The following PARP12 variants were observed in gnomAD, a reference collection of about 807,000 sequenced individuals.
The protein encoded by PARP12 is protein mono-ADP-ribosyltransferase PARP12.
A neutral mutation model predicts 72.4 loss-of-function variants in PARP12; 59 were observed. The observed-to-expected ratio is 0.81, with a 90% CI of 0.66 to 1.01. The LOEUF (loss-of-function observed/expected upper bound fraction) is 1.01. PARP12 is among the 50% of genes least tolerant of loss of function. The probability of loss-of-function intolerance (pLI) is 0.00; values close to 1 mark genes in which losing one functional copy is unlikely to be tolerated. For synonymous variants in PARP12, 403 were observed against 371.4 expected, an observed-to-expected ratio of 1.09 and a Z score of -0.98; for missense variants, 851 against 914.0, an observed-to-expected ratio of 0.93 and a Z score of 0.89.
At chr7:140,061,205 G>A (rs1056586716) in intron 1 of PARP12, among the ~76,000 whole-genome samples, 5 of 152,156 alleles carry the variant, frequency 3.3e-5, no homozygotes, top group Non-Finnish European at 7.4e-5. Context: ...TGGTCAATGG[G>A]ATGTGGGTGA....
At chr7:140,054,857 G>A (rs549595666) in intron 3 of PARP12, 94 bp from the exon 4 acceptor site, 43 of 1,053,204 alleles carry the variant, frequency 4.1e-5, no homozygotes, top group African/African-American at 3.1e-4. Flanking sequence ...ACAAAAGTGG[G>A]CAACGCAAGC....
chr7:140,028,486 G>T, intron 9 of PARP12, 127 bp downstream of exon 9: 1 of 761,948 alleles, frequency 1.3e-6, no homozygotes, highest in Admixed American at 3.8e-5. Context: ...ATCTGTCACT[G>T]CCCTCCTGCC....
intron 4 of PARP12, among the ~76,000 whole-genome samples, chr7:140,052,740 G>A (rs1817014989): frequency 6.8e-6 from 1 of 146,648 alleles, no homozygotes; most frequent in African/African-American, 2.5e-5. Flanking sequence ...TTTTGTGTGT[G>A]TGTGTGTGTG....
intron 1 of PARP12, 39 bp downstream of exon 1, chr7:140,062,483 G>T: frequency 6.6e-7 from 1 of 1,505,614 alleles, no homozygotes; most frequent in East Asian, 2.6e-5. Context: ...AGGGCGCGCA[G>T]GACCTCCGCC....
At chr7:140,033,371 CATT>C (rs1357508866) in intron 8 of PARP12, 3 of 985,240 alleles carry the variant, frequency 3.0e-6, no homozygotes, top group Non-Finnish European at 3.6e-6. Context: ...CCAAAAGAGA[CATT>C]GTTGGTTCTC....
chr7:140,062,674 T>C lies in PARP12; in HGVS notation c.174A>G (p.Ala58=). ...RFVVAVRAGG[A]AAAPERVVLA... is the part of the protein sequence containing the mutation. ...GCACCACGCGCTCCGGGGCCGCGGC[T>C]GCGCCGCCCGCCCGCACCGCCACCA... Residue 58 remains alanine (A), a synonymous_variant, in exon 1 of 12, where the codon GCA becomes GCG. Coordinates refer to ENST00000263549, the MANE Select transcript of PARP12 (RefSeq NM_022750.4). 7.9e-7 allele frequency: 1 copy of C among 1,267,950 alleles called. No individual in the cohort carries two copies. The allele number at this position is 1,267,950 out of a possible 1,614,324, so 78.5% of individuals were successfully genotyped here.
rs150942859 is a variant in PARP12 at position 140,062,915 on chromosome 7, G to C, written c.-68C>G. 0.015 allele frequency: 17,473 copies of C among 1,194,756 alleles called. 755 individuals are homozygous for C. In the African/African-American group the frequency reaches 0.15, roughly 10 times the overall value. 74.0% of individuals were successfully genotyped at this position (1,194,756 alleles called of 1,614,324 possible). On this transcript the variant is annotated 5_prime_UTR_variant, in exon 1 of 12. Transcript: ENST00000263549. ...CGGACGGCGGCGGACGCTGGCTGGC[G>C]GGCGGCTCTCGCAGGGTGGAGACGC...
At chr7:140,048,709 T>A (rs1304439813) in intron 4 of PARP12, among the ~76,000 whole-genome samples, 4 of 152,234 alleles carry the variant, frequency 2.6e-5, no homozygotes, top group Non-Finnish European at 5.9e-5. Flanking sequence ...TTCTGTCATT[T>A]TGGCATGTTT....
At chr7:140,030,556 C>T (rs534666577) in intron 8 of PARP12, among the ~76,000 whole-genome samples, 10 of 152,372 alleles carry the variant, frequency 6.6e-5, no homozygotes, top group African/African-American at 2.4e-4. Flanking sequence ...CAAGATCATG[C>T]CACTGCACTC....
chr7:140,024,428 G>T lies in PARP12; in HGVS notation c.*132C>A. On this transcript the variant is annotated 3_prime_UTR_variant, in exon 12 of 12. Coordinates refer to ENST00000263549, the MANE Select transcript of PARP12 (RefSeq NM_022750.4). ...AAAATCATTATTAGCAAGAGATTAA[G>T]AACATAACTTCATTGAGAGGTCAAT... 2.0e-6 allele frequency: 2 copies of T among 1,016,666 alleles called. No individual in the cohort carries two copies. The highest frequency in any genetic ancestry group is 1.5e-6 in the Non-Finnish European group (1 of 668,310). 63.0% of individuals were successfully genotyped at this position (1,016,666 alleles called of 1,614,324 possible). A position where few individuals can be genotyped will look rare whatever the true frequency, so the allele number is the denominator to read the frequency against.
At chr7:140,033,186 C>T (rs761206547) in intron 8 of PARP12, 6 of 985,078 alleles carry the variant, frequency 6.1e-6, no homozygotes, top group Admixed American at 6.2e-5. Context: ...AGTCACTGCA[C>T]CCAGCGCAAA....
chr7:140,053,154 G>A (rs1285663498), intron 4 of PARP12, among the ~76,000 whole-genome samples: 1 of 152,134 alleles, frequency 6.6e-6, no homozygotes, highest in African/African-American at 2.4e-5. Context: ...AATATTTATA[G>A]AAGTTGTATT....
chr7:140,043,392 G>A (rs1816577613), intron 5 of PARP12, among the ~76,000 whole-genome samples: 1 of 152,228 alleles, frequency 6.6e-6, no homozygotes, highest in Admixed American at 6.5e-5. Flanking sequence ...TCAAAAGTAT[G>A]AGTAAGAATC....
At chr7:140,036,888 T>G (rs1816224103) in intron 7 of PARP12, among the ~76,000 whole-genome samples, 1 of 152,092 alleles carries the variant, frequency 6.6e-6, no homozygotes, top group Non-Finnish European at 1.5e-5. Flanking sequence ...CCTATTTCTC[T>G]CTGTAAGGCA....
At position 140,030,467 on chromosome 7, in the gene PARP12, G is replaced by A. The variant is rs142964624; in HGVS notation, c.1422-1779C>T. On this transcript the variant is annotated intron_variant, in intron 8 of 11. Coordinates refer to ENST00000263549, the MANE Select transcript of PARP12 (RefSeq NM_022750.4). Reference sequence around the variant, plus strand: ...ACAAAAATTAGCCGGGCATGGTGGCGCACGCCAGTAGTCCAAGCTACTCAG... The same window carrying A: ...ACAAAAATTAGCCGGGCATGGTGGCACACGCCAGTAGTCCAAGCTACTCAG... 2.6e-3 allele frequency among the ~76,000 whole-genome samples: 393 copies of A among 152,268 alleles called. 1 individual carries two copies. Among genetic ancestry groups the A allele is most frequent in the African/African-American group, 9.0e-3 (373 of 41,554 alleles).
At chr7:140,043,406 A>G (rs1816577996) in intron 5 of PARP12, among the ~76,000 whole-genome samples, 1 of 152,220 alleles carries the variant, frequency 6.6e-6, no homozygotes, top group South Asian at 2.1e-4. Flanking sequence ...AAGAATCAAG[A>G]GACTATAAAA....
At chr7:140,034,564 T>C (rs1585087111) in intron 7 of PARP12, 3 of 332,026 alleles carry the variant, frequency 9.0e-6, no homozygotes, top group Non-Finnish European at 1.7e-5. Context: ...GTAATTGACA[T>C]ATCAATTACA....
chr7:140,040,656 AGT>A (rs1180171430), intron 6 of PARP12, among the ~76,000 whole-genome samples: 2 of 152,252 alleles, frequency 1.3e-5, no homozygotes, highest in Non-Finnish European at 1.5e-5. Flanking sequence ...TTCTGAGTGC[AGT>A]TAAGAATAAG....
intron 5 of PARP12, among the ~76,000 whole-genome samples, chr7:140,045,357 T>C (rs1018073751): frequency 6.6e-6 from 1 of 152,234 alleles, no homozygotes; most frequent in Non-Finnish European, 1.5e-5. Flanking sequence ...CTGGCAGTGA[T>C]CTGAGTGTTT....
Sources: gnomAD v4.1 joint callset for allele counts (sites outside exome capture counted in the v4.1 genomes callset) on GRCh38, gnomAD v4.1.1 for gene constraint, MANE v1.5 for transcripts, NCBI Gene and HGNC (gene_info 2026-07-23, HGNC 2026-07-21) for gene names.